Variants in CNTN4 observed in about 807,000 individuals in gnomAD.
CNTN4 encodes the protein contactin 4, also known as contactin-4.
Under a neutral mutation model 122.5 loss-of-function variants are expected in CNTN4, and 77 were observed. That is an observed-to-expected ratio of 0.63 (90% CI 0.52 to 0.76). The LOEUF is 0.76. CNTN4 is among the 30% of genes least tolerant of loss of function. The pLI is 0.00. For synonymous variants in CNTN4, 512 were observed against 447.0 expected (o/e 1.15, Z -1.83); for missense variants, 1,256 against 1,259.1 (o/e 1.00, Z 0.04).
At position 2,966,925 on chromosome 3, in the gene CNTN4, A is replaced by G. The variant is rs548267725; in HGVS notation, c.1359-21420A>G. Reference sequence around the variant, plus strand: ...TGGTGGACTTTTAAAGCCAGAAGACACTAAGTTCAGCCATATTGTAACTGC... The same window carrying G: ...TGGTGGACTTTTAAAGCCAGAAGACGCTAAGTTCAGCCATATTGTAACTGC... On this transcript the variant is annotated intron_variant, in intron 13 of 24. Transcript: ENST00000418658. Among the ~76,000 whole-genome samples, 3 of 152,332 alleles carry G rather than the reference A, an allele frequency of 2.0e-5. No individual in the cohort carries two copies. The East Asian group carries it at 5.8e-4, about 29-fold the overall frequency.
At chr3:2,333,949 T>G (rs1265384954) in intron 2 of CNTN4, among the ~76,000 whole-genome samples, 1 of 152,188 alleles carries the variant, frequency 6.6e-6, no homozygotes, top group African/African-American at 2.4e-5. Context: ...GCTGATTCTG[T>G]GATGGAAAAT....
intron 2 of CNTN4, among the ~76,000 whole-genome samples, chr3:2,310,247 C>T (rs2042865793): frequency 6.6e-6 from 1 of 152,080 alleles, no homozygotes; most frequent in African/African-American, 2.4e-5. Context: ...TTCAAGTTTC[C>T]TACTCTTATA....
intron 3 of CNTN4, among the ~76,000 whole-genome samples, chr3:2,453,242 A>G (rs1252321298): frequency 2.0e-5 from 3 of 152,048 alleles, no homozygotes; most frequent in African/African-American, 4.8e-5. Context: ...TATAGAATCA[A>G]AAAAAATGTC....
At chr3:2,249,868 G>GT (rs1170229520) in intron 2 of CNTN4, among the ~76,000 whole-genome samples, 1 of 151,734 alleles carries the variant, frequency 6.6e-6, no homozygotes, top group East Asian at 1.9e-4. Context: ...CATAATGAGT[G>GT]TTTTTATTGA....
At chr3:2,529,140 T>A (rs1195027304) in intron 3 of CNTN4, among the ~76,000 whole-genome samples, 1 of 152,120 alleles carries the variant, frequency 6.6e-6, no homozygotes, top group African/African-American at 2.4e-5. Flanking sequence ...AAGCCACTAC[T>A]CTACTCTCTA....
Position 3,031,196 on chromosome 3 carries a change from A to T in CNTN4, c.1783+221A>T, listed in dbSNP as rs115119719. 4.9e-3 allele frequency among the ~76,000 whole-genome samples: 752 copies of T among 152,302 alleles called. 5 individuals are homozygous for T. The highest frequency in any genetic ancestry group is 0.017 in the African/African-American group (700 of 41,564). ...CACCGAACACATCCAGTAACTTTAC[A>T]CTAGAAGGATAATTGAGTAAATCGA... On this transcript the variant is annotated intron_variant, in intron 16 of 24. Transcript: ENST00000418658.
At chr3:2,901,309 A>G (rs2094170732) in intron 11 of CNTN4, among the ~76,000 whole-genome samples, 1 of 152,196 alleles carries the variant, frequency 6.6e-6, no homozygotes, top group Admixed American at 6.5e-5. Context: ...AACCTCAAAT[A>G]TTAATTGAAA....
intron 3 of CNTN4, among the ~76,000 whole-genome samples, chr3:2,374,995 A>T (rs1161106241): frequency 6.6e-6 from 1 of 152,224 alleles, no homozygotes; most frequent in Admixed American, 6.5e-5. Context: ...TCCACTGATT[A>T]TTGTCGCATT....
intron 3 of CNTN4, among the ~76,000 whole-genome samples, chr3:2,495,235 C>G (rs2076423002): frequency 6.6e-6 from 1 of 152,190 alleles, no homozygotes; most frequent in Non-Finnish European, 1.5e-5. Context: ...AAATATTTTT[C>G]AAATTGCCAA....
chr3:2,406,430 C>T (rs1375408508), intron 3 of CNTN4, among the ~76,000 whole-genome samples: 1 of 152,122 alleles, frequency 6.6e-6, no homozygotes, highest in African/African-American at 2.4e-5. Flanking sequence ...TTCATCGTAT[C>T]TTCATATCAC....
At chr3:2,241,603 T>G (rs2039943401) in intron 2 of CNTN4, among the ~76,000 whole-genome samples, 1 of 152,182 alleles carries the variant, frequency 6.6e-6, no homozygotes, top group African/African-American at 2.4e-5. Context: ...CAGTCAGAAC[T>G]CTTTACTCAA....
At chr3:2,921,822 C>CT (rs1250386788) in intron 12 of CNTN4, among the ~76,000 whole-genome samples, 3 of 152,138 alleles carry the variant, frequency 2.0e-5, no homozygotes, top group African/African-American at 4.8e-5. Flanking sequence ...AAGCAAAAAA[C>CT]TTTTAAGTTT....
intron 2 of CNTN4, among the ~76,000 whole-genome samples, chr3:2,328,297 T>TC (rs2043550150): frequency 6.7e-6 from 1 of 150,250 alleles, no homozygotes; most frequent in African/African-American, 2.4e-5. Flanking sequence ...TCCCAGCTAC[T>TC]CGGGAGGCTG....
chr3:2,282,861 T>A (rs1482905604), intron 2 of CNTN4, among the ~76,000 whole-genome samples: 1 of 152,150 alleles, frequency 6.6e-6, no homozygotes, highest in African/African-American at 2.4e-5. Flanking sequence ...GGATGAACTT[T>A]GAAAATATGC....
chr3:2,654,631 A>G (rs1330032373), intron 4 of CNTN4, among the ~76,000 whole-genome samples: 1 of 152,174 alleles, frequency 6.6e-6, no homozygotes, highest in Non-Finnish European at 1.5e-5. Flanking sequence ...TGCTCACAGT[A>G]TGTATTTGAA....
chr3:2,751,394 C>T (rs1344346863), intron 6 of CNTN4, among the ~76,000 whole-genome samples: 1 of 152,118 alleles, frequency 6.6e-6, no homozygotes, highest in African/African-American at 2.4e-5. Flanking sequence ...CGCTTTTACC[C>T]TGGAAAGTCA....
intron 2 of CNTN4, among the ~76,000 whole-genome samples, chr3:2,186,428 T>C (rs1012581077): frequency 6.6e-5 from 10 of 152,138 alleles, no homozygotes; most frequent in Non-Finnish European, 1.3e-4. Flanking sequence ...TGATTTATAT[T>C]CCTTTGAGTA....
At chr3:2,155,288 AC>A (rs2035671134) in intron 2 of CNTN4, among the ~76,000 whole-genome samples, 2 of 152,042 alleles carry the variant, frequency 1.3e-5, no homozygotes, top group Admixed American at 1.3e-4. Flanking sequence ...CTGACCTCTT[AC>A]CTTCTGATTG....
At position 2,694,713 on chromosome 3, in the gene CNTN4, A is replaced by T. The variant is rs2085928623; in HGVS notation, c.56-41502A>T. Reference sequence around the variant, plus strand: ...CACCGCACTCCAGCCTGGGCAACAGAGTGAGACCCTGTCTCAAAAAAAGAA... The same window carrying T: ...CACCGCACTCCAGCCTGGGCAACAGTGTGAGACCCTGTCTCAAAAAAAGAA... On this transcript the variant is annotated intron_variant, in intron 4 of 24. Coordinates refer to ENST00000418658, the MANE Select transcript of CNTN4 (RefSeq NM_175607.3). 3.9e-5 allele frequency among the ~76,000 whole-genome samples: 6 copies of T among 152,356 alleles called. No individual in the cohort carries two copies. The South Asian group carries it at 1.2e-3, about 32-fold the overall frequency.
Sources: gnomAD v4.1 joint callset for allele counts (sites outside exome capture counted in the v4.1 genomes callset) on GRCh38, gnomAD v4.1.1 for gene constraint, MANE v1.5 for transcripts, NCBI Gene and HGNC (gene_info 2026-07-23, HGNC 2026-07-21) for gene names.